Variants in ICE1 observed in about 807,000 individuals in gnomAD.
ICE1 encodes interactor of little elongation complex ELL subunit 1.
In ICE1, 64 loss-of-function variants were observed where a neutral mutation model predicts 192.7. The observed-to-expected ratio is 0.33, with a 90% CI of 0.27 to 0.41. The LOEUF is 0.41. Among genes scored for constraint, ICE1 ranks in the 10% least tolerant of loss-of-function variants. ICE1 has a pLI of 1.00. For synonymous variants in ICE1, 1,010 were observed against 984.5 expected, an observed-to-expected ratio of 1.03 and a Z score of -0.49; for missense variants, 2,708 against 2,696.0, an observed-to-expected ratio of 1.00 and a Z score of -0.10.
At position 5,463,110 on chromosome 5, in the gene ICE1, T is replaced by C. The variant is rs772877745; in HGVS notation, c.3776T>C (p.Leu1259Pro). The C allele has an allele frequency of 6.2e-7, 1 of 1,613,236 alleles. No homozygotes were observed. The highest frequency in any genetic ancestry group is 1.1e-5 in the South Asian group (1 of 90,832). ...SQLTQCSLET[L>P]SEVLTKIRQE... Reference sequence around the variant, plus strand: ...CTCACTCAGTGTTCTTTGGAAACTCTGTCTGAGGTTCTGACCAAGATTAGG... The same window carrying C: ...CTCACTCAGTGTTCTTTGGAAACTCCGTCTGAGGTTCTGACCAAGATTAGG... The change falls in exon 13 of 19, where the codon CTG (leucine) becomes CCG (proline). Residue 1259 changes from leucine (L) to proline (P), a missense_variant. Around this residue, in one of 2 missense-constraint regions of ICE1, gnomAD observed 2,366 missense variants for 2,276.6 expected, o/e 1.04. Coordinates refer to ENST00000296564, the MANE Select transcript of ICE1 (RefSeq NM_015325.3).
intron 17 of ICE1, among the ~76,000 whole-genome samples, chr5:5,481,189 AAG>A (rs1739494335): frequency 6.6e-6 from 1 of 152,174 alleles, no homozygotes; most frequent in African/African-American, 2.4e-5. Context: ...AAAAAATTAG[AAG>A]AGATGTTTTA....
intron 1 of ICE1, among the ~76,000 whole-genome samples, chr5:5,434,579 A>G (rs1737816340): frequency 6.6e-6 from 1 of 152,208 alleles, no homozygotes; most frequent in African/African-American, 2.4e-5. Context: ...CAATTAGGAA[A>G]TGTAATATAG....
chr5:5,445,624 G>A (rs896168853), intron 7 of ICE1, among the ~76,000 whole-genome samples: 33 of 151,914 alleles, frequency 2.2e-4, no homozygotes, highest in African/African-American at 7.3e-4. Context: ...ATGTTGGCCA[G>A]ACTGGTCTCG....
At chr5:5,440,490 A>G (rs1283249891) in intron 4 of ICE1, among the ~76,000 whole-genome samples, 2 of 152,228 alleles carry the variant, frequency 1.3e-5, no homozygotes, top group African/African-American at 2.4e-5. Flanking sequence ...TTAAGAATCT[A>G]CTTGTTTCTC....
rs1330428010 is a variant in ICE1 at position 5,462,654 on chromosome 5, C to T, written c.3320C>T (p.Thr1107Ile). 6.2e-7 allele frequency: 1 copy of T among 1,613,822 alleles called. No individual in the cohort carries two copies. Among genetic ancestry groups the T allele is most frequent in the East Asian group, 2.2e-5 (1 of 44,896 alleles). The change falls in exon 13 of 19, where the codon ACT (threonine) becomes ATT (isoleucine). Residue 1107 changes from threonine (T) to isoleucine (I), a missense_variant. Physicochemically the swap from Thr to Ile is moderately conservative, Grantham distance 89. This residue lies in a region of ICE1 where 2,366 missense variants were observed against 2,276.6 expected (regional missense o/e 1.04). Coordinates refer to ENST00000296564, the MANE Select transcript of ICE1 (RefSeq NM_015325.3). The part of the protein sequence containing the change: ...YTGIREGGDD[T>I]EVESEAFSCS... ...GGCATTCGAGAGGGGGGAGACGACA[C>T]TGAGGTAGAGAGTGAGGCATTTAGC...
intron 5 of ICE1, 65 bp downstream of exon 5, chr5:5,441,288 A>G (rs540630854): frequency 1.9e-6 from 2 of 1,042,724 alleles, no homozygotes; most frequent in African/African-American, 3.2e-5. Flanking sequence ...ATTCGGTATA[A>G]TTGGGACGAG....
intron 15 of ICE1, among the ~76,000 whole-genome samples, chr5:5,472,754 A>T (rs1398644733): frequency 2.6e-5 from 4 of 152,278 alleles, no homozygotes; most frequent in Middle Eastern, 6.8e-3. Flanking sequence ...TATTAAGTAT[A>T]TTGAGTATTA....
intron 1 of ICE1, among the ~76,000 whole-genome samples, chr5:5,435,252 A>G (rs116745834): frequency 2.6e-3 from 401 of 152,344 alleles, no homozygotes; most frequent in African/African-American, 9.2e-3. Flanking sequence ...TACAAGAGAA[A>G]CTATGCATTT....
At chr5:5,445,375 A>C (rs150503344) in intron 7 of ICE1, among the ~76,000 whole-genome samples, 162 of 152,220 alleles carry the variant, frequency 1.1e-3, no homozygotes, top group African/African-American at 3.6e-3. Flanking sequence ...TATGGAGATA[A>C]GTGTCTATTG....
intron 4 of ICE1, among the ~76,000 whole-genome samples, chr5:5,440,621 CAAATAGTACTATTTAATAGT>C (rs1197447458): frequency 5.3e-5 from 8 of 152,096 alleles, no homozygotes; most frequent in African/African-American, 1.9e-4. Context: ...TATTTAATAG[CAAATAGTACTATTTAATAGT>C]AAAATTTTTA....
chr5:5,479,540 C>T (rs1482596968), intron 17 of ICE1, among the ~76,000 whole-genome samples: 1 of 152,150 alleles, frequency 6.6e-6, no homozygotes, highest in Non-Finnish European at 1.5e-5. Context: ...TGTGGTGATT[C>T]TCAAGGATCT....
At chr5:5,472,823 T>G (rs186337706) in intron 15 of ICE1, among the ~76,000 whole-genome samples, 60 of 152,320 alleles carry the variant, frequency 3.9e-4, no homozygotes, top group African/African-American at 1.4e-3. Flanking sequence ...TGAAAAGGCA[T>G]GACTACTTTG....
intron 12 of ICE1, 103 bp from the exon 13 acceptor site, chr5:5,460,333 G>A: frequency 1.2e-6 from 1 of 818,400 alleles, no homozygotes; most frequent in Non-Finnish European, 1.9e-6. Flanking sequence ...TGATTGTAAA[G>A]ATTCTTCAGG....
chr5:5,451,178 G>C (rs537747232), intron 10 of ICE1, among the ~76,000 whole-genome samples: 3 of 152,078 alleles, frequency 2.0e-5, no homozygotes, highest in Admixed American at 2.0e-4. Flanking sequence ...CCTCTCTTTG[G>C]TAACAGAGAA....
intron 17 of ICE1, 56 bp downstream of exon 17, chr5:5,476,135 G>T: frequency 1.0e-6 from 1 of 974,728 alleles, no homozygotes; most frequent in Non-Finnish European, 1.4e-6. Flanking sequence ...TTGGTGGAAG[G>T]CTGGGGGGTT....
chr5:5,475,306 T>A (rs532392742), intron 16 of ICE1, among the ~76,000 whole-genome samples: 10 of 152,328 alleles, frequency 6.6e-5, no homozygotes, highest in African/African-American at 2.4e-4. Flanking sequence ...GTAGGGAGTA[T>A]CTAGAAGAAA....
rs373219705 is a variant in ICE1, at chr5:5,435,950, G to A, written c.85-468G>A. Among the ~76,000 whole-genome samples the A allele has an allele frequency of 1.2e-4, 19 of 152,244 alleles. 1 individual carries two copies. The highest frequency in any genetic ancestry group is 4.6e-4 in the African/African-American group (19 of 41,556). ...CAAAGTGCTGGGATTATAGGCATGA[G>A]TCACCGCACCCGGCCTAGATCCTTA... On this transcript the variant is annotated intron_variant, in intron 1 of 18. Coordinates refer to ENST00000296564, the MANE Select transcript of ICE1 (RefSeq NM_015325.3).
At chr5:5,456,560 C>T (rs553204404) in intron 11 of ICE1, among the ~76,000 whole-genome samples, 2 of 152,216 alleles carry the variant, frequency 1.3e-5, no homozygotes, top group African/African-American at 2.4e-5. Flanking sequence ...TTCAGATTGG[C>T]TCTGGGTCCT....
At chr5:5,456,378 A>AT (rs1463511588) in intron 11 of ICE1, among the ~76,000 whole-genome samples, 1 of 152,124 alleles carries the variant, frequency 6.6e-6, no homozygotes, top group South Asian at 2.1e-4. Context: ...CCAAATAGTG[A>AT]TTTTTTATTT....
Sources: gnomAD v4.1 joint callset for allele counts (sites outside exome capture counted in the v4.1 genomes callset) on GRCh38, gnomAD v4.1.1 for gene constraint, gnomAD v4.1.1 regional missense constraint, MANE v1.5 for transcripts, NCBI Gene and HGNC (gene_info 2026-07-23, HGNC 2026-07-21) for gene names.